The following DNAH14 variants were observed in gnomAD, a reference collection of about 807,000 sequenced individuals.
DNAH14 encodes the protein dynein axonemal heavy chain 14.
DNAH14 carries 478 observed loss-of-function variants against 520.9 expected under a neutral mutation model. The ratio of observed to expected loss-of-function variants is 0.92; its 90% CI spans 0.85 to 0.99. The LOEUF (loss-of-function observed/expected upper bound fraction) is 0.99. Ranked by LOEUF, DNAH14 falls within the 50% of genes least tolerant of loss-of-function variation. DNAH14 has a pLI of 0.00. For synonymous variants in DNAH14, 1,581 were observed against 1,757.2 expected (o/e 0.90, Z 2.51); for missense variants, 4,831 against 5,234.5 (o/e 0.92, Z 2.38).
intron 12 of DNAH14, among the ~76,000 whole-genome samples, chr1:225,042,608 T>C (rs562284995): frequency 3.9e-5 from 6 of 152,224 alleles, no homozygotes; most frequent in Non-Finnish European, 4.4e-5. Context: ...ATACTGACTC[T>C]GGCATCAATT....
At chr1:225,269,882 A>C (rs950456589) in intron 49 of DNAH14, among the ~76,000 whole-genome samples, 2 of 152,192 alleles carry the variant, frequency 1.3e-5, no homozygotes, top group African/African-American at 4.8e-5. Context: ...GTGGGACGTA[A>C]ACTAGTTCAG....
rs116085438 is a variant in DNAH14, at chr1:225,021,917, G to T, written c.1108-1698G>T. Among the ~76,000 whole-genome samples the T allele has an allele frequency of 5.0e-3, 760 of 152,252 alleles. 6 individuals are homozygous for T. The highest frequency in any genetic ancestry group is 0.017 in the African/African-American group (717 of 41,546). The stretch of plus-strand genomic sequence containing the variant: ...ACAGTAACCAAACAGCATGGTAAGG[G>T]TACAAAAACAGATACATAGACCAAT... On this transcript the variant is annotated intron_variant, in intron 10 of 85. Coordinates refer to ENST00000682510, the MANE Select transcript of DNAH14 (RefSeq NM_001367479.1).
intron 38 of DNAH14, among the ~76,000 whole-genome samples, chr1:225,196,390 A>C (rs2086133926): frequency 6.6e-6 from 1 of 152,150 alleles, no homozygotes; most frequent in Non-Finnish European, 1.5e-5. Flanking sequence ...ACATATATAT[A>C]CAACAGTTTC....
chr1:225,030,906 T>C (rs2066474810), intron 11 of DNAH14, among the ~76,000 whole-genome samples: 2 of 152,032 alleles, frequency 1.3e-5, no homozygotes, highest in East Asian at 1.9e-4. Flanking sequence ...AGCAGATTTA[T>C]TCAAAAGGCC....
intron 38 of DNAH14, among the ~76,000 whole-genome samples, chr1:225,197,151 T>C (rs1375604579): frequency 2.6e-5 from 4 of 152,112 alleles, no homozygotes; most frequent in Non-Finnish European, 4.4e-5. Flanking sequence ...CAATGATATT[T>C]TGTAGAATTT....
intron 44 of DNAH14, among the ~76,000 whole-genome samples, chr1:225,255,435 T>G (rs75034286): frequency 0.014 from 2,065 of 152,298 alleles, 27 homozygotes; most frequent in Middle Eastern, 0.024. Flanking sequence ...CACACACACG[T>G]ATAATTTAAT....
intron 1 of DNAH14, among the ~76,000 whole-genome samples, chr1:224,938,616 A>C (rs117287350): frequency 6.6e-6 from 1 of 152,188 alleles, no homozygotes; most frequent in South Asian, 2.1e-4. Flanking sequence ...TACAACTACT[A>C]TGGAGAACAA....
At position 225,223,754 on chromosome 1, in the gene DNAH14, C is replaced by T. The variant is rs545494709; in HGVS notation, c.6440-7319C>T. On this transcript the variant is annotated intron_variant, in intron 41 of 85. Coordinates refer to ENST00000682510, the MANE Select transcript of DNAH14 (RefSeq NM_001367479.1). ...TTTACCACACCAGCTGTCAATAATG[C>T]AAGGCCAGCTCACCAACTTCATTGG... Among the ~76,000 whole-genome samples, 183 of 152,284 alleles carry T rather than the reference C, an allele frequency of 1.2e-3. 2 individuals carry two copies. The highest frequency in any genetic ancestry group is 6.8e-3 in the Middle Eastern group (2 of 294).
At chr1:225,340,250 T>C (rs2095151183) in intron 68 of DNAH14, among the ~76,000 whole-genome samples, 1 of 152,208 alleles carries the variant, frequency 6.6e-6, no homozygotes, top group Admixed American at 6.5e-5. Flanking sequence ...ACATAGTATG[T>C]ACACAGTCTG....
chr1:225,305,476 T>C (rs1256273236), intron 58 of DNAH14, among the ~76,000 whole-genome samples: 2 of 152,168 alleles, frequency 1.3e-5, no homozygotes, highest in Non-Finnish European at 2.9e-5. Context: ...TAAGCAGTTT[T>C]ATAGCCAGCA....
intron 27 of DNAH14, among the ~76,000 whole-genome samples, chr1:225,139,524 G>A (rs1559079104): frequency 1.3e-5 from 2 of 152,150 alleles, no homozygotes; most frequent in African/African-American, 2.4e-5. Flanking sequence ...TCTCTGAATG[G>A]AAGTAAAAAG....
chr1:225,230,493 T>C (rs1056201513), intron 41 of DNAH14, among the ~76,000 whole-genome samples: 1 of 152,146 alleles, frequency 6.6e-6, no homozygotes. Context: ...ATTTTTTTAA[T>C]ATTAAGAAAA....
chr1:225,286,754 G>A (rs1018955531), intron 54 of DNAH14, among the ~76,000 whole-genome samples: 3 of 152,044 alleles, frequency 2.0e-5, no homozygotes, highest in Non-Finnish European at 4.4e-5. Context: ...GAAAACTTAC[G>A]CCCACATAAA....
At chr1:224,959,885 A>G (rs1288284783) in intron 3 of DNAH14, among the ~76,000 whole-genome samples, 1 of 152,190 alleles carries the variant, frequency 6.6e-6, no homozygotes, top group African/African-American at 2.4e-5. Context: ...TCTTGTAACA[A>G]CCTATGAGGT....
chr1:225,117,926 T>C lies in DNAH14; in HGVS notation c.4018T>C (p.Trp1340Arg). The C allele has an allele frequency of 6.4e-7, 1 of 1,551,354 alleles. No homozygotes were observed. Among genetic ancestry groups the C allele is most frequent in the South Asian group, 1.2e-5 (1 of 84,004 alleles). The change falls in exon 25 of 86, where the codon TGG (tryptophan) becomes CGG (arginine). Residue 1340 changes from tryptophan (W) to arginine (R), a missense_variant. Coordinates refer to ENST00000682510, the MANE Select transcript of DNAH14 (RefSeq NM_001367479.1). ...CFENIKQLLI[W>R]KQDIGPPAVK... ...TGAAAATATAAAACAATTATTGATA[T>C]GGAAACAAGACATTGGCCCTCCTGC...
At chr1:225,227,445 G>A (rs1447965066) in intron 41 of DNAH14, among the ~76,000 whole-genome samples, 1 of 152,126 alleles carries the variant, frequency 6.6e-6, no homozygotes, top group East Asian at 1.9e-4. Context: ...ATGTTTCTGC[G>A]AGCACAGGGT....
At chr1:225,333,917 T>A (rs951833614) in intron 66 of DNAH14, among the ~76,000 whole-genome samples, 1 of 152,222 alleles carries the variant, frequency 6.6e-6, no homozygotes, top group Non-Finnish European at 1.5e-5. Context: ...GTAAATCCTA[T>A]GCTGATGTTT....
chr1:225,104,203 G>A (rs1553449222), intron 23 of DNAH14, among the ~76,000 whole-genome samples: 1 of 152,142 alleles, frequency 6.6e-6, no homozygotes, highest in Non-Finnish European at 1.5e-5. Flanking sequence ...ATTTCCATAT[G>A]TTAAACCAGC....
intron 76 of DNAH14, among the ~76,000 whole-genome samples, chr1:225,365,582 G>A (rs78555892): frequency 0.05 from 7,568 of 152,184 alleles, 260 homozygotes; most frequent in Middle Eastern, 0.1. Context: ...AGCTCTGCCC[G>A]TCTCCTGTAT....
Sources: gnomAD v4.1 joint callset for allele counts (sites outside exome capture counted in the v4.1 genomes callset) on GRCh38, gnomAD v4.1.1 for gene constraint, MANE v1.5 for transcripts, NCBI Gene and HGNC (gene_info 2026-07-23, HGNC 2026-07-21) for gene names.